LRRC71: variants seen among roughly 807,000 people sequenced by gnomAD.
LRRC71 encodes leucine rich repeat containing 71.
LRRC71 carries 54 observed loss-of-function variants against 66.6 expected under a neutral mutation model. That is an observed-to-expected ratio of 0.81 (90% confidence interval 0.65 to 1.02). LRRC71 has a LOEUF of 1.02. LRRC71 is among the 50% of genes least tolerant of loss of function. The probability of loss-of-function intolerance (pLI) is 0.00; values close to 1 mark genes in which losing one functional copy is unlikely to be tolerated. For missense variants in LRRC71, 724 were observed against 718.0 expected, an observed-to-expected ratio of 1.01 and a Z score of -0.10; for synonymous variants, 323 against 303.9, an observed-to-expected ratio of 1.06 and a Z score of -0.65.
downstream of LRRC71, chr1:156,935,903 A>T: frequency 7.4e-7 from 1 of 1,351,394 alleles, no homozygotes; most frequent in Non-Finnish European, 1.0e-6. Context: ...CCTCCTCCAC[A>T]GGGAGGAGTG....
intron 5 of LRRC71, among the ~76,000 whole-genome samples, chr1:156,925,944 A>G (rs1653132217): frequency 6.6e-6 from 1 of 152,258 alleles, no homozygotes; most frequent in Admixed American, 6.5e-5. Flanking sequence ...AATAATGTGT[A>G]AAAGTAAATC....
Position 156,927,193 on chromosome 1 carries a change from T to A in LRRC71, c.594-9T>A, listed in dbSNP as rs200757173. Reference sequence around the variant, plus strand: ...TACCTTCTGGTTCTCAGATCTCCCCTGCCCTCAGGAAGGTGTCTCTGGAGG... The same window carrying A: ...TACCTTCTGGTTCTCAGATCTCCCCAGCCCTCAGGAAGGTGTCTCTGGAGG... On this transcript the variant is annotated splice_polypyrimidine_tract_variant and intron_variant, in intron 5 of 14. Coordinates refer to ENST00000337428, the MANE Select transcript of LRRC71 (RefSeq NM_144702.3). 6.2e-7 allele frequency: 1 copy of A among 1,609,854 alleles called. No homozygotes were observed. Among genetic ancestry groups the A allele is most frequent in the Non-Finnish European group, 8.5e-7 (1 of 1,178,232 alleles).
Position 156,931,905 on chromosome 1 carries a change from T to C in LRRC71, c.1330-11T>C. On this transcript the variant is annotated splice_polypyrimidine_tract_variant and intron_variant, in intron 12 of 14. Coordinates refer to ENST00000337428, the MANE Select transcript of LRRC71 (RefSeq NM_144702.3). ...CTGCTGTCTGCTGCAATTAGTATTCTGCTTTAGCAGCTGGTTGTTGAGGCT... is the reference window on the plus strand; with the variant it reads ...CTGCTGTCTGCTGCAATTAGTATTCCGCTTTAGCAGCTGGTTGTTGAGGCT... 6.4e-7 allele frequency: 1 copy of C among 1,566,436 alleles called. No homozygotes were observed. Among genetic ancestry groups the C allele is most frequent in the Non-Finnish European group, 8.7e-7 (1 of 1,153,550 alleles).
downstream of LRRC71, chr1:156,937,251 T>G: frequency 6.2e-7 from 1 of 1,613,710 alleles, no homozygotes. Context: ...TCCCTCACCT[T>G]GAGCCTGTTG....
chr1:156,925,961 A>G (rs1261932715), intron 5 of LRRC71, among the ~76,000 whole-genome samples: 1 of 152,276 alleles, frequency 6.6e-6, no homozygotes, highest in Non-Finnish European at 1.5e-5. Context: ...AATCATAGCA[A>G]CATAAACAAA....
Position 156,929,746 on chromosome 1 carries a change from CT to C in LRRC71, c.1240+18del. ...GCAAGGGGAGTAAGTGCGGGTGCCC[CT>C]GGGTGGCATCTTCCTGTGTGGAGGA... On this transcript the variant is annotated intron_variant, in intron 11 of 14. Coordinates refer to ENST00000337428, the MANE Select transcript of LRRC71 (RefSeq NM_144702.3). 1 of 1,549,664 alleles carries C rather than the reference CT, an allele frequency of 6.5e-7. No individual in the cohort carries two copies. The highest frequency in any genetic ancestry group is 8.7e-7 in the Non-Finnish European group (1 of 1,145,724).
the LRRC71 span, chr1:156,940,084 C>A: frequency 7.8e-6 from 11 of 1,401,484 alleles, no homozygotes; most frequent in Non-Finnish European, 1.1e-5. Context: ...GTCTCCGCAT[C>A]CATCTCTCCT....
chr1:156,925,611 T>C (rs892689977), intron 5 of LRRC71, among the ~76,000 whole-genome samples: 2 of 152,148 alleles, frequency 1.3e-5, no homozygotes, highest in Admixed American at 6.5e-5. Context: ...TGTACTTGTA[T>C]GGGAAGGAGC....
chr1:156,935,860 C>G (rs367828775), downstream of LRRC71: 694 of 966,768 alleles, frequency 7.2e-4, 3 homozygotes, highest in African/African-American at 8.7e-3. Flanking sequence ...GGTCTCCCCC[C>G]GGGCCTTGGC....
chr1:156,930,050 C>CTTTCTTTCTTTCTT (rs1171989403), intron 11 of LRRC71, among the ~76,000 whole-genome samples: 16 of 135,938 alleles, frequency 1.2e-4, no homozygotes, highest in African/African-American at 4.0e-4. Context: ...CTTTCTCTTT[C>CTTTCTTTCTTTCTT]TTTCTTTCTT....
the LRRC71 span, chr1:156,938,588 GGAGA>G: frequency 6.9e-7 from 1 of 1,449,164 alleles, no homozygotes; most frequent in Non-Finnish European, 9.6e-7. Context: ...AGAACAGGAA[GGAGA>G]GAGGGCAGGA....
At position 156,929,420 on chromosome 1, in the gene LRRC71, G is replaced by A. The variant is rs768217065; in HGVS notation, c.1137G>A (p.Glu379=). The A allele has an allele frequency of 1.2e-6, 2 of 1,613,902 alleles. No homozygotes were observed. Among genetic ancestry groups the A allele is most frequent in the Admixed American group, 1.7e-5 (1 of 60,018 alleles). Residue 379 remains glutamate, a synonymous_variant, in exon 10 of 15, where the codon GAG becomes GAA. Transcript: ENST00000337428. ...CTAAGGGCCTGGGCAAGAAAAAGGA[G>A]AAATCATGGGTAGGTGTGCAATGGG... The part of the protein sequence containing the change: ...KTPKGLGKKK[E]KSWELAKKEE...
chr1:156,929,145 A>G, intron 9 of LRRC71, 135 bp from the exon 10 acceptor site: 1 of 1,040,054 alleles, frequency 9.6e-7, no homozygotes, highest in Admixed American at 2.7e-5. Context: ...TTATTTTAGC[A>G]TTTAGGCAGG....
At chr1:156,924,594 C>T (rs778402070) in intron 3 of LRRC71, 42 bp downstream of exon 3, 2 of 1,544,008 alleles carry the variant, frequency 1.3e-6, no homozygotes, top group African/African-American at 2.7e-5. Flanking sequence ...CCCTCCCGCT[C>T]CCCTGGAGCC....
intron 10 of LRRC71, 84 bp downstream of exon 10, chr1:156,929,513 A>G: frequency 6.3e-7 from 1 of 1,586,162 alleles, no homozygotes; most frequent in African/African-American, 1.3e-5. Flanking sequence ...TGGAGGGAAG[A>G]AGGCCACATG....
In LRRC71 at chr1:156,924,993, CCT is replaced by C. The variant is rs1347898585; in HGVS notation, c.576_577del (p.Cys193PhefsTer38). 1.9e-6 allele frequency: 3 copies of C among 1,551,726 alleles called. No individual in the cohort carries two copies. The highest frequency in any genetic ancestry group is 2.7e-5 in the African/African-American group (2 of 73,166). On this transcript the variant is annotated frameshift_variant, in exon 5 of 15. Coordinates refer to ENST00000337428, the MANE Select transcript of LRRC71 (RefSeq NM_144702.3). LOFTEE classifies it high-confidence loss of function. ...CCTGACCACCTTCATCGAGCTCCTG[CCT>C]CTCTGTTCATCCACGCTCAGGTCAG... ...KTLTTFIELL[P>X]LCSSTLRKVS...
intron 5 of LRRC71, among the ~76,000 whole-genome samples, chr1:156,925,421 A>C (rs1026576846): frequency 3.3e-5 from 5 of 152,178 alleles, no homozygotes; most frequent in Admixed American, 2.6e-4. Flanking sequence ...AAGAATAAAT[A>C]CTGCAGGGCA....
Position 156,920,710 on chromosome 1 carries a change from C to G in LRRC71, c.-94C>G, listed in dbSNP as rs1652226793. ...GTCCCTGGACGCGGAACAGAGATCC[C>G]CTGATTCAGCCACCCCCAGACTGAG... On this transcript the variant is annotated 5_prime_UTR_variant, in exon 1 of 15. Coordinates refer to ENST00000337428, the MANE Select transcript of LRRC71 (RefSeq NM_144702.3). The surrounding 1 kb of genome is among the most constrained non-coding windows in gnomAD (Gnocchi z 4.9). 7.5e-7 allele frequency: 1 copy of G among 1,326,952 alleles called. No homozygotes were observed. Among genetic ancestry groups the G allele is most frequent in the Non-Finnish European group, 9.7e-7 (1 of 1,029,424 alleles). 82.2% of individuals were successfully genotyped at this position (1,326,952 alleles called of 1,614,324 possible).
chr1:156,936,078 G>A, downstream of LRRC71: 1 of 1,613,882 alleles, frequency 6.2e-7, no homozygotes, highest in Non-Finnish European at 8.5e-7. Flanking sequence ...GAGGATGAAG[G>A]TGAGGAACTG....
Sources: gnomAD v4.1 joint callset for allele counts (sites outside exome capture counted in the v4.1 genomes callset) on GRCh38, gnomAD v4.1.1 for gene constraint, Gnocchi (gnomAD v3.1) non-coding constraint, MANE v1.5 for transcripts, NCBI Gene and HGNC (gene_info 2026-07-23, HGNC 2026-07-21) for gene names.